TRIM37: variants seen among roughly 807,000 people sequenced by gnomAD.
The protein encoded by TRIM37 is E3 ubiquitin-protein ligase TRIM37.
A neutral mutation model predicts 129.8 loss-of-function variants in TRIM37; 80 were observed. The ratio of observed to expected loss-of-function variants is 0.62; its 90% CI spans 0.51 to 0.74. TRIM37 has a LOEUF of 0.74. Ranked by LOEUF, TRIM37 falls within the 30% of genes least tolerant of loss-of-function variation. The pLI, the probability that TRIM37 is intolerant of heterozygous loss-of-function variation, is 0.00. For missense variants in TRIM37, 1,054 were observed against 1,176.5 expected (o/e 0.90, Z 1.52); for synonymous variants, 389 against 387.1 (o/e 1.00, Z -0.06).
At chr17:59,024,658 C>T (rs567708963) in intron 19 of TRIM37, among the ~76,000 whole-genome samples, 30 of 152,300 alleles carry the variant, frequency 2.0e-4, no homozygotes, top group Non-Finnish European at 4.0e-4. Flanking sequence ...TCCCAAGTAG[C>T]TGGGGTTACA....
downstream of TRIM37, among the ~76,000 whole-genome samples, chr17:58,978,281 C>T (rs1419002457): frequency 6.6e-6 from 1 of 152,158 alleles, no homozygotes; most frequent in Non-Finnish European, 1.5e-5. Context: ...CACTGCTATA[C>T]AGTAAAGCCC....
At chr17:59,049,104 A>G in intron 15 of TRIM37, 74 bp downstream of exon 15, 1 of 1,202,892 alleles carries the variant, frequency 8.3e-7, no homozygotes. Context: ...TTTAGCACAT[A>G]ATATGTTAAA....
At chr17:59,007,004 A>T (rs1220439998) in intron 22 of TRIM37, among the ~76,000 whole-genome samples, 1 of 151,974 alleles carries the variant, frequency 6.6e-6, no homozygotes, top group Non-Finnish European at 1.5e-5. Context: ...GTTGCTGGAG[A>T]TATATAGAAT....
In TRIM37 at chr17:59,061,967, T is replaced by A. The variant is rs533016426; in HGVS notation, c.942+600A>T. Among the ~76,000 whole-genome samples the A allele has an allele frequency of 2.0e-5, 3 of 151,852 alleles. No individual in the cohort carries two copies. The East Asian group carries it at 5.8e-4, about 29-fold the overall frequency. On this transcript the variant is annotated intron_variant, in intron 11 of 23. Transcript: ENST00000262294. ...ATGAATAAATGACTCATCAGCTAGG[T>A]GAATAAAGCCAGACATAAAAGATGA...
At chr17:59,092,189 T>TGG (rs1170901825) in intron 2 of TRIM37, among the ~76,000 whole-genome samples, 1 of 151,992 alleles carries the variant, frequency 6.6e-6, no homozygotes, top group African/African-American at 2.4e-5. Flanking sequence ...GGTCAGCTGA[T>TGG]GGAGACCAGC....
intron 19 of TRIM37, among the ~76,000 whole-genome samples, chr17:59,022,660 G>A (rs1023848984): frequency 1.3e-5 from 2 of 152,170 alleles, no homozygotes. Context: ...ACTTAGAATA[G>A]TTAGAATAAT....
chr17:59,033,976 A>G (rs1405849452), intron 17 of TRIM37, among the ~76,000 whole-genome samples: 1 of 151,670 alleles, frequency 6.6e-6, no homozygotes, highest in Non-Finnish European at 1.5e-5. Context: ...GTGTGGTGGC[A>G]GGCACCTGTA....
chr17:59,021,854 G>A lies in TRIM37; in HGVS notation c.2258-4430C>T, dbSNP rs8064501. Reference sequence around the variant, plus strand: ...GATGTGATTATTATGCATTGTAAGCGTGTATCAAAATATCTCATATATCCT... The same window carrying A: ...GATGTGATTATTATGCATTGTAAGCATGTATCAAAATATCTCATATATCCT... On this transcript the variant is annotated intron_variant, in intron 19 of 23. Coordinates refer to ENST00000262294, the MANE Select transcript of TRIM37 (RefSeq NM_015294.6). 7.9e-4 allele frequency among the ~76,000 whole-genome samples: 120 copies of A among 151,900 alleles called. 2 individuals are homozygous for A. In the East Asian group the frequency reaches 0.015, roughly 19 times the overall value.
chr17:59,010,613 C>T (rs554192844), intron 22 of TRIM37, among the ~76,000 whole-genome samples: 1 of 152,264 alleles, frequency 6.6e-6, no homozygotes, highest in Admixed American at 6.5e-5. Flanking sequence ...CTGCCTCAGC[C>T]TCCCAAGTAG....
In TRIM37 at chr17:59,001,588, T is replaced by C. The variant is rs574943815; in HGVS notation, c.2812+10A>G. 13 of 1,613,932 alleles carry C rather than the reference T, an allele frequency of 8.1e-6. No homozygotes were observed. Among genetic ancestry groups the C allele is most frequent in the Admixed American group, 1.7e-5 (1 of 60,002 alleles). ...TAGTAATCTGTGTAAAATGACATCA[T>C]GTGCTGCACCTTCATCCGGGGGCTG... On this transcript the variant is annotated intron_variant, in intron 23 of 23. Transcript: ENST00000262294.
chr17:59,083,921 GA>G, intron 5 of TRIM37, 80 bp downstream of exon 5: 1 of 1,107,848 alleles, frequency 9.0e-7, no homozygotes, highest in Non-Finnish European at 1.4e-6. Context: ...AGAGCATAAT[GA>G]CACTATTTTC....
rs547712092 is a variant in TRIM37, at chr17:59,037,950, T to A, written c.1753+3863A>T. On this transcript the variant is annotated intron_variant, in intron 17 of 23. Coordinates refer to ENST00000262294, the MANE Select transcript of TRIM37 (RefSeq NM_015294.6). ...TTGTAGAATGTTCCTCAATTAAGGG[T>A]ATGATTTTTTCCCTCATGATTAGAT... 5.4e-4 allele frequency among the ~76,000 whole-genome samples: 82 copies of A among 152,138 alleles called. 1 individual carries two copies. The highest frequency in any genetic ancestry group is 6.5e-4 in the Non-Finnish European group (44 of 68,038).
chr17:59,008,088 TCTC>T (rs1352250734), intron 22 of TRIM37, among the ~76,000 whole-genome samples: 2 of 152,200 alleles, frequency 1.3e-5, no homozygotes, highest in East Asian at 3.8e-4. Context: ...AAGGCCGCAC[TCTC>T]CTCGAGAAAC....
At position 59,088,054 on chromosome 17, in the gene TRIM37, T is replaced by G; in HGVS notation, c.281+237A>C. On this transcript the variant is annotated intron_variant, in intron 4 of 23. Coordinates refer to ENST00000262294, the MANE Select transcript of TRIM37 (RefSeq NM_015294.6). ...ATCATCTAGCAAAGTACTTTCTGTG[T>G]GGGGGGAGGGGAGGGCGAGAGGTAT... 8.4e-6 allele frequency: 5 copies of G among 596,806 alleles called. No individual in the cohort carries two copies. The South Asian group carries it at 1.0e-4, about 12-fold the overall frequency. The allele number at this position is 596,806 out of a possible 1,614,324, so 37.0% of individuals were successfully genotyped here.
intron 20 of TRIM37, 37 bp downstream of exon 20, chr17:59,017,259 C>A: frequency 6.2e-7 from 1 of 1,610,346 alleles, no homozygotes; most frequent in Non-Finnish European, 8.5e-7. Context: ...TAAATATTTA[C>A]CCCACTAAAA....
At chr17:59,067,286 T>C (rs1467774307) in intron 9 of TRIM37, among the ~76,000 whole-genome samples, 1 of 152,240 alleles carries the variant, frequency 6.6e-6, no homozygotes, top group Non-Finnish European at 1.5e-5. Flanking sequence ...TTCATAGTTT[T>C]AAAATTTTCT....
intron 12 of TRIM37, among the ~76,000 whole-genome samples, chr17:59,058,848 A>G (rs1467807707): frequency 1.3e-5 from 2 of 152,222 alleles, no homozygotes; most frequent in Non-Finnish European, 2.9e-5. Flanking sequence ...TCAGTGACAC[A>G]GCAAGACCCT....
intron 2 of TRIM37, among the ~76,000 whole-genome samples, chr17:59,103,322 G>A (rs916376513): frequency 6.6e-6 from 1 of 151,782 alleles, no homozygotes; most frequent in African/African-American, 2.4e-5. Context: ...CCAAAATCTT[G>A]GACTTCCTCA....
the TRIM37 span, among the ~76,000 whole-genome samples, chr17:58,971,349 C>T: frequency 1.1e-4 from 16 of 152,098 alleles, no homozygotes; most frequent in Admixed American, 5.9e-4. Flanking sequence ...CCACCCCTGA[C>T]GCATTGGTTC....
Sources: allele counts gnomAD v4.1 joint callset (sites outside exome capture counted in the v4.1 genomes callset), GRCh38; gene constraint gnomAD v4.1.1; transcripts MANE v1.5; gene names NCBI Gene and HGNC (gene_info 2026-07-23, HGNC 2026-07-21).